PLD5: variants seen among roughly 807,000 people sequenced by gnomAD.
PLD5 encodes the protein inactive phospholipase D5.
In PLD5, 36 loss-of-function variants were observed where a neutral mutation model predicts 61.1. The observed-to-expected ratio is 0.59, with a 90% CI of 0.45 to 0.78. PLD5 has a LOEUF of 0.78. Ranked by LOEUF, PLD5 falls within the 30% of genes least tolerant of loss-of-function variation. The probability of loss-of-function intolerance (pLI) is 0.00; values close to 1 mark genes in which losing one functional copy is unlikely to be tolerated. For missense variants in PLD5, 515 were observed against 644.4 expected (o/e 0.80, Z 2.17); for synonymous variants, 243 against 242.8 (o/e 1.00, Z -0.01).
chr1:242,475,215 G>A (rs1281530896), intron 1 of PLD5, among the ~76,000 whole-genome samples: 3 of 152,128 alleles, frequency 2.0e-5, no homozygotes, highest in Non-Finnish European at 4.4e-5. Flanking sequence ...ACCCACAGAG[G>A]GGAAAAGGAA....
At chr1:242,216,635 GTTCAGGGCCACGACTCTT>G (rs1670213686) in intron 5 of PLD5, among the ~76,000 whole-genome samples, 1 of 152,206 alleles carries the variant, frequency 6.6e-6, no homozygotes, top group Non-Finnish European at 1.5e-5. Flanking sequence ...TTCGCTGACT[GTTCAGGGCCACGACTCTT>G]TACAGCACCT....
At chr1:242,247,233 C>T (rs1410575939) in intron 4 of PLD5, among the ~76,000 whole-genome samples, 4 of 152,184 alleles carry the variant, frequency 2.6e-5, no homozygotes, top group Non-Finnish European at 5.9e-5. Flanking sequence ...CCGCCCGCCT[C>T]GGCCTCCCAG....
intron 5 of PLD5, among the ~76,000 whole-genome samples, chr1:242,132,192 C>G (rs2574671): frequency 1.5e-3 from 32 of 21,048 alleles, no homozygotes; most frequent in Middle Eastern, 0.031. Context: ...GCAGTGATTG[C>G]GGGGGGGGGG....
intron 1 of PLD5, among the ~76,000 whole-genome samples, chr1:242,427,276 TAG>T (rs1192651367): frequency 6.6e-6 from 1 of 152,240 alleles, no homozygotes; most frequent in African/African-American, 2.4e-5. Flanking sequence ...AGAAAGTTTC[TAG>T]AGTAACTCCA....
intron 2 of PLD5, among the ~76,000 whole-genome samples, chr1:242,313,408 A>C (rs1676820713): frequency 1.3e-5 from 2 of 152,130 alleles, no homozygotes; most frequent in Admixed American, 1.3e-4. Context: ...TTCCTAAGTC[A>C]TGCTTGTTCA....
At position 242,395,007 on chromosome 1, in the gene PLD5, A is replaced by ATATATATGTATATATGAATGTATATG. The variant is rs1558528046; in HGVS notation, c.190-46766_190-46765insCATATACATTCATATATACATATATA. 5.1e-5 allele frequency among the ~76,000 whole-genome samples: 5 copies of ATATATATGTATATATGAATGTATATG among 98,592 alleles called. 1 individual carries two copies. Among genetic ancestry groups the ATATATATGTATATATGAATGTATATG allele is most frequent in the East Asian group, 3.5e-4 (1 of 2,858 alleles). The allele number at this position is 98,592 out of a possible 152,430, so 64.7% of individuals were successfully genotyped here. ...TATATGAATATATATGTATATATGA[A>ATATATATGTATATATGAATGTATATG]TATATATGAATATATATGTATATAT... is the stretch of plus-strand genomic sequence containing the variant. On this transcript the variant is annotated intron_variant, in intron 1 of 9. Transcript: ENST00000536534.
At position 242,107,735 on chromosome 1, in the gene PLD5, G is replaced by A. The variant is rs374568175; in HGVS notation, c.1175C>T (p.Thr392Met). The A allele has an allele frequency of 6.8e-6, 11 of 1,611,484 alleles. No individual in the cohort carries two copies. Among genetic ancestry groups the A allele is most frequent in the Non-Finnish European group, 9.3e-6 (11 of 1,179,436 alleles). The change falls in exon 8 of 10, where the codon ACG becomes ATG. Residue 392 changes from threonine to methionine, a missense_variant. By Grantham distance (81) the Thr-to-Met change is moderately conservative. Coordinates refer to ENST00000536534, the MANE Select transcript of PLD5 (RefSeq NM_001372062.1). ...LSFWKETDPL[T>M]FNFISSLKAI... ...TTTAAGAGATGAAATAAAGTTAAAC[G>A]TAAGGGGATCAGTTTCCTTCCAGAA... is the stretch of plus-strand genomic sequence containing the variant.
At chr1:242,185,356 C>G (rs1049276785) in intron 5 of PLD5, among the ~76,000 whole-genome samples, 1 of 152,090 alleles carries the variant, frequency 6.6e-6, no homozygotes, top group African/African-American at 2.4e-5. Flanking sequence ...ATCAATACAT[C>G]AGACTGGAAA....
intron 5 of PLD5, chr1:242,209,272 G>T (rs1483137620): frequency 6.6e-6 from 1 of 152,136 alleles, no homozygotes; most frequent in Non-Finnish European, 1.5e-5. Context: ...GCCTGCGGTG[G>T]TGTTCTCCGT....
chr1:242,497,501 C>G (rs755765573), intron 1 of PLD5, among the ~76,000 whole-genome samples: 1 of 152,064 alleles, frequency 6.6e-6, no homozygotes, highest in Non-Finnish European at 1.5e-5. Flanking sequence ...CAGGTGGGGA[C>G]AGAAAGACTC....
At chr1:242,305,587 T>A (rs566603980) in intron 2 of PLD5, among the ~76,000 whole-genome samples, 3 of 151,748 alleles carry the variant, frequency 2.0e-5, no homozygotes, top group Non-Finnish European at 4.4e-5. Flanking sequence ...TGAGACGGAG[T>A]CTTGCTCTGT....
chr1:242,456,090 C>A (rs1361510690), intron 1 of PLD5, among the ~76,000 whole-genome samples: 2 of 152,218 alleles, frequency 1.3e-5, no homozygotes, highest in Non-Finnish European at 2.9e-5. Flanking sequence ...GATTTATAAG[C>A]TTCATATATT....
At chr1:242,499,718 A>T (rs1668490505) in intron 1 of PLD5, among the ~76,000 whole-genome samples, 2 of 152,084 alleles carry the variant, frequency 1.3e-5, no homozygotes, top group Admixed American at 1.3e-4. Flanking sequence ...CGAACAAACC[A>T]CCCCAAAACT....
chr1:242,512,627 A>G (rs1043296542), intron 1 of PLD5, among the ~76,000 whole-genome samples: 2 of 152,220 alleles, frequency 1.3e-5, no homozygotes, highest in Admixed American at 6.5e-5. Flanking sequence ...AAATGGAGAC[A>G]TATGGAAGTT....
chr1:242,424,653 C>T (rs945867552), intron 1 of PLD5, among the ~76,000 whole-genome samples: 2 of 152,080 alleles, frequency 1.3e-5, no homozygotes, highest in African/African-American at 2.4e-5. Context: ...TGGGTTTCCT[C>T]TCTGGGGTCC....
At chr1:242,378,177 G>A (rs1662073771) in intron 1 of PLD5, among the ~76,000 whole-genome samples, 2 of 152,186 alleles carry the variant, frequency 1.3e-5, no homozygotes, top group Admixed American at 1.3e-4. Flanking sequence ...ATATTATTCT[G>A]CCTTAAAAGA....
At chr1:242,104,751 C>A (rs1056839034) in intron 8 of PLD5, among the ~76,000 whole-genome samples, 1 of 152,184 alleles carries the variant, frequency 6.6e-6, no homozygotes. Flanking sequence ...GAACTTGTGG[C>A]CTCAGATGAA....
chr1:242,142,714 T>TTCTCTCTCTCTCTCTCTCTC (rs35627694), intron 5 of PLD5, among the ~76,000 whole-genome samples: 1 of 90,044 alleles, frequency 1.1e-5, no homozygotes, highest in Non-Finnish European at 2.3e-5. Context: ...AGCTGTGTCT[T>TTCTCTCTCTCTCTCTCTCTC]TCTCTCTCTC....
intron 1 of PLD5, among the ~76,000 whole-genome samples, chr1:242,388,003 G>A (rs989475047): frequency 2.0e-5 from 3 of 152,154 alleles, no homozygotes; most frequent in Non-Finnish European, 4.4e-5. Flanking sequence ...GATCATAAAA[G>A]CCACGGCACA....
Sources: allele counts gnomAD v4.1 joint callset (sites outside exome capture counted in the v4.1 genomes callset), GRCh38; gene constraint gnomAD v4.1.1; transcripts MANE v1.5; gene names NCBI Gene and HGNC (gene_info 2026-07-23, HGNC 2026-07-21).